RELN: variants seen among roughly 807,000 people sequenced by gnomAD.
RELN encodes the protein reelin.
In RELN, 108 loss-of-function variants were observed where a neutral mutation model predicts 427.6. The observed-to-expected ratio is 0.25, with a 90% confidence interval of 0.22 to 0.30. The LOEUF (loss-of-function observed/expected upper bound fraction) is 0.30. RELN is among the 10% of genes least tolerant of loss of function. The pLI, the probability that RELN is intolerant of heterozygous loss-of-function variation, is 1.00. For synonymous variants in RELN, 1,524 were observed against 1,513.4 expected (o/e 1.01, Z -0.16); for missense variants, 3,715 against 4,302.8 (o/e 0.86, Z 3.82).
intron 63 of RELN, chr7:103,482,011 C>G (rs529963923): frequency 2.0e-5 from 3 of 152,054 alleles, no homozygotes; most frequent in Non-Finnish European, 2.9e-5. Context: ...AAAACTAAGA[C>G]GAGGGCTAGC....
chr7:103,745,652 A>T (rs1365254518), intron 6 of RELN, among the ~76,000 whole-genome samples: 1 of 151,222 alleles, frequency 6.6e-6, no homozygotes, highest in Non-Finnish European at 1.5e-5. Flanking sequence ...ATCATGAGTG[A>T]ACTCCCATTC....
intron 28 of RELN, among the ~76,000 whole-genome samples, chr7:103,585,298 A>G (rs1463375760): frequency 6.6e-6 from 1 of 152,172 alleles, no homozygotes. Context: ...AACAAAGTTG[A>G]TAGACTGCTA....
intron 10 of RELN, among the ~76,000 whole-genome samples, chr7:103,689,015 C>A (rs1001750020): frequency 6.6e-6 from 1 of 152,066 alleles, no homozygotes; most frequent in Non-Finnish European, 1.5e-5. Context: ...TATGACCCTT[C>A]TAAATTCAGT....
At chr7:103,559,386 G>A (rs1830592701) in intron 36 of RELN, among the ~76,000 whole-genome samples, 2 of 152,144 alleles carry the variant, frequency 1.3e-5, no homozygotes, top group South Asian at 4.1e-4. Flanking sequence ...ACTTCACAAA[G>A]CATAGATTCA....
intron 10 of RELN, among the ~76,000 whole-genome samples, chr7:103,685,174 A>G (rs890369300): frequency 6.6e-6 from 1 of 152,198 alleles, no homozygotes; most frequent in Non-Finnish European, 1.5e-5. Context: ...TCGATCTACT[A>G]TGTTAAAAAT....
chr7:103,909,778 T>TG (rs1795315686), intron 2 of RELN, among the ~76,000 whole-genome samples: 1 of 67,590 alleles, frequency 1.5e-5, no homozygotes, highest in African/African-American at 8.5e-5. Context: ...TTAATATATA[T>TG]AAATATATAT....
intron 2 of RELN, among the ~76,000 whole-genome samples, chr7:103,875,289 T>C (rs971392489): frequency 3.3e-5 from 5 of 150,474 alleles, no homozygotes; most frequent in Admixed American, 6.6e-5. Context: ...ATTCAGGACA[T>C]AGGCATGGGC....
chr7:103,886,127 G>A (rs1052011513), intron 2 of RELN, among the ~76,000 whole-genome samples: 1 of 152,166 alleles, frequency 6.6e-6, no homozygotes, highest in Non-Finnish European at 1.5e-5. Context: ...GGTGATAGAT[G>A]ATGACTCCAC....
In RELN at chr7:103,630,166, C is replaced by T. The variant is rs369844245; in HGVS notation, c.2476G>A (p.Val826Ile). The T allele has an allele frequency of 1.7e-5, 28 of 1,601,670 alleles. No homozygotes were observed. The highest frequency in any genetic ancestry group is 1.7e-4 in the Middle Eastern group (1 of 6,050). The change falls in exon 20 of 65, where the codon GTA becomes ATA. Residue 826 changes from valine to isoleucine, a missense_variant. Val to Ile is a conservative substitution (Grantham distance 29, BLOSUM62 3). Around this residue, in one of 4 missense-constraint regions of RELN, gnomAD observed 2,208 missense variants for 2,361.7 expected, o/e 0.93. Coordinates refer to ENST00000428762, the MANE Select transcript of RELN (RefSeq NM_005045.4). ...LSYHEPRIIS[V>I]ELPGDAKQFG... is the part of the protein sequence containing the mutation. ...TGCTTTGCATCACCTGGTAGTTCTA[C>T]GGAGATTATTCTAGAGAAAAAAAAA...
intron 7 of RELN, among the ~76,000 whole-genome samples, chr7:103,726,154 T>G (rs1011442513): frequency 7.2e-5 from 11 of 152,238 alleles, no homozygotes; most frequent in African/African-American, 2.7e-4. Context: ...AATATAATGT[T>G]AACTGAAAAC....
At chr7:103,842,259 T>C (rs1415195661) in intron 2 of RELN, among the ~76,000 whole-genome samples, 2 of 133,970 alleles carry the variant, frequency 1.5e-5, no homozygotes, top group Non-Finnish European at 3.3e-5. Context: ...CATCAGTTAA[T>C]AAAAAAAAAA....
At chr7:103,950,408 TAA>T (rs1796309654) in intron 1 of RELN, among the ~76,000 whole-genome samples, 1 of 152,066 alleles carries the variant, frequency 6.6e-6, no homozygotes, top group African/African-American at 2.4e-5. Flanking sequence ...TGTATAAACA[TAA>T]AACTACTAAA....
chr7:103,886,528 T>C (rs1342855005), intron 2 of RELN, among the ~76,000 whole-genome samples: 1 of 152,232 alleles, frequency 6.6e-6, no homozygotes, highest in Non-Finnish European at 1.5e-5. Flanking sequence ...CACATCTTGA[T>C]TTTAAGCAAT....
At chr7:103,687,837 T>A (rs1833794883) in intron 10 of RELN, among the ~76,000 whole-genome samples, 1 of 152,160 alleles carries the variant, frequency 6.6e-6, no homozygotes, top group African/African-American at 2.4e-5. Context: ...ATTTTCTGTA[T>A]AAATTATCAA....
chr7:103,619,585 G>A (rs1204470913), intron 20 of RELN, among the ~76,000 whole-genome samples: 1 of 152,222 alleles, frequency 6.6e-6, no homozygotes, highest in Non-Finnish European at 1.5e-5. Flanking sequence ...TCAAGTTTAT[G>A]TTAATGAGTC....
At chr7:103,982,081 G>T (rs915566035) in intron 1 of RELN, among the ~76,000 whole-genome samples, 1 of 151,976 alleles carries the variant, frequency 6.6e-6, no homozygotes, top group African/African-American at 2.4e-5. Context: ...CACGAGAATC[G>T]CCTGAACCCA....
intron 48 of RELN, among the ~76,000 whole-genome samples, chr7:103,521,788 A>G (rs942435748): frequency 6.6e-6 from 1 of 152,256 alleles, no homozygotes; most frequent in African/African-American, 2.4e-5. Flanking sequence ...CTTAGTATAA[A>G]GCATAGCATA....
chr7:103,476,717 G>T, intron 64 of RELN: 1 of 417,762 alleles, frequency 2.4e-6, no homozygotes. Flanking sequence ...AACAGTTATT[G>T]TACCTTCTAA....
chr7:103,699,157 T>C (rs921669303), intron 9 of RELN, among the ~76,000 whole-genome samples: 1 of 152,124 alleles, frequency 6.6e-6, no homozygotes, highest in African/African-American at 2.4e-5. Flanking sequence ...TTGCCTTTGC[T>C]AAGATTAAAA....
Sources: gnomAD v4.1 joint callset for allele counts (sites outside exome capture counted in the v4.1 genomes callset) on GRCh38, gnomAD v4.1.1 for gene constraint, gnomAD v4.1.1 regional missense constraint, MANE v1.5 for transcripts, NCBI Gene and HGNC (gene_info 2026-07-23, HGNC 2026-07-21) for gene names.